Variants in PRKCQ observed in about 807,000 individuals in gnomAD.
PRKCQ encodes protein kinase C theta type.
Under a neutral mutation model 91.2 loss-of-function variants are expected in PRKCQ, and 41 were observed. The observed-to-expected ratio is 0.45, with a 90% CI of 0.35 to 0.58. The LOEUF is 0.58. Ranked by LOEUF, PRKCQ falls within the 20% of genes least tolerant of loss-of-function variation. The pLI is 0.00. For missense variants in PRKCQ, 673 were observed against 896.5 expected (o/e 0.75, Z 3.18); for synonymous variants, 307 against 316.9 (o/e 0.97, Z 0.33).
chr10:6,503,043 G>A (rs911004400), intron 4 of PRKCQ, among the ~76,000 whole-genome samples: 1 of 152,140 alleles, frequency 6.6e-6, no homozygotes, highest in Non-Finnish European at 1.5e-5. Context: ...AGCAAAGCCG[G>A]GGAGAATGAG....
At chr10:6,549,231 T>G (rs572384649) in intron 1 of PRKCQ, among the ~76,000 whole-genome samples, 1 of 152,302 alleles carries the variant, frequency 6.6e-6, no homozygotes, top group African/African-American at 2.4e-5. Context: ...GGTTGGCTTC[T>G]GACTGTATCA....
intron 14 of PRKCQ, 47 bp downstream of exon 14, chr10:6,462,256 C>T (rs751729581): frequency 6.5e-7 from 1 of 1,544,140 alleles, no homozygotes; most frequent in Non-Finnish European, 8.9e-7. Flanking sequence ...TTAACTGAGC[C>T]AGGAAAGCCG....
At chr10:6,501,339 T>C (rs1289747402) in intron 4 of PRKCQ, among the ~76,000 whole-genome samples, 1 of 151,828 alleles carries the variant, frequency 6.6e-6, no homozygotes, top group Non-Finnish European at 1.5e-5. Flanking sequence ...CAGTATGTCT[T>C]GGGAATAAGG....
the PRKCQ span, among the ~76,000 whole-genome samples, chr10:6,395,901 C>T: frequency 3.3e-5 from 5 of 152,168 alleles, no homozygotes; most frequent in East Asian, 7.7e-4. Context: ...TCTGCTCCCA[C>T]TCTATTTAGC....
intron 4 of PRKCQ, among the ~76,000 whole-genome samples, chr10:6,502,193 A>G (rs990388764): frequency 6.6e-6 from 1 of 152,228 alleles, no homozygotes; most frequent in Non-Finnish European, 1.5e-5. Flanking sequence ...AGGTATTCAC[A>G]GGATGCTGTG....
rs182192107 is a variant in PRKCQ at position 6,493,837 on chromosome 10, G to A, written c.661-2025C>T. Among the ~76,000 whole-genome samples, 9 of 152,304 alleles carry A rather than the reference G, an allele frequency of 5.9e-5. No individual in the cohort carries two copies. In the East Asian group the frequency reaches 9.6e-4, roughly 16 times the overall value. On this transcript the variant is annotated intron_variant, in intron 7 of 17. Coordinates refer to ENST00000263125, the MANE Select transcript of PRKCQ (RefSeq NM_006257.5). ...CTCTTTGAGTCTTAGCAGAATCACC[G>A]GTTAGCACAAGTTTATCTCCTTCTG...
intron 1 of PRKCQ, among the ~76,000 whole-genome samples, chr10:6,541,516 G>A (rs578095120): frequency 1.3e-5 from 2 of 152,172 alleles, no homozygotes; most frequent in African/African-American, 2.4e-5. Flanking sequence ...TGCCCACTAG[G>A]TACTTTTCAC....
At chr10:6,566,648 T>C (rs1166869558) in intron 1 of PRKCQ, among the ~76,000 whole-genome samples, 2 of 152,050 alleles carry the variant, frequency 1.3e-5, no homozygotes, top group African/African-American at 4.8e-5. Flanking sequence ...AGGGACAACC[T>C]CATGGGTTCC....
chr10:6,476,557 A>G (rs2130756382), intron 12 of PRKCQ, among the ~76,000 whole-genome samples: 1 of 152,358 alleles, frequency 6.6e-6, no homozygotes, highest in African/African-American at 2.4e-5. Context: ...TTCATAAACA[A>G]CATTCTGTAT....
intron 1 of PRKCQ, among the ~76,000 whole-genome samples, chr10:6,528,153 C>T (rs944679412): frequency 4.7e-4 from 72 of 152,052 alleles, no homozygotes; most frequent in African/African-American, 1.7e-3. Flanking sequence ...TCCTAAAACC[C>T]TCTTTGGAAA....
intron 17 of PRKCQ, among the ~76,000 whole-genome samples, chr10:6,429,580 C>T (rs563034506): frequency 2.8e-4 from 42 of 152,190 alleles, no homozygotes; most frequent in Middle Eastern, 3.4e-3. Context: ...CCCTTCAGCA[C>T]GGATATGGCC....
chr10:6,563,306 C>T (rs906001708), intron 1 of PRKCQ, among the ~76,000 whole-genome samples: 1 of 152,042 alleles, frequency 6.6e-6, no homozygotes, highest in African/African-American at 2.4e-5. Flanking sequence ...TGCATGCCTA[C>T]TATGACTGAG....
At chr10:6,400,743 C>T in the PRKCQ span, among the ~76,000 whole-genome samples, 1 of 150,050 alleles carries the variant, frequency 6.7e-6, no homozygotes, top group African/African-American at 2.4e-5. Flanking sequence ...AATCTGCCAG[C>T]TGGCATGCAC....
chr10:6,481,411 T>A (rs999328474), intron 11 of PRKCQ, among the ~76,000 whole-genome samples: 3 of 152,238 alleles, frequency 2.0e-5, no homozygotes, highest in African/African-American at 7.2e-5. Context: ...CTTTCAATTT[T>A]TGGTAACAGG....
intron 15 of PRKCQ, among the ~76,000 whole-genome samples, chr10:6,454,877 AAAG>A (rs1431899927): frequency 1.3e-5 from 2 of 152,200 alleles, no homozygotes; most frequent in East Asian, 1.9e-4. Context: ...ACGTAAAAGA[AAAG>A]AAGGGAGTGA....
the PRKCQ span, among the ~76,000 whole-genome samples, chr10:6,417,665 G>A: frequency 1.3e-5 from 2 of 152,130 alleles, no homozygotes; most frequent in South Asian, 2.1e-4. Context: ...TTAGCTGGAC[G>A]ATAGAGTGGC....
the PRKCQ span, among the ~76,000 whole-genome samples, chr10:6,415,455 TAC>T: frequency 3.4e-5 from 4 of 118,694 alleles, no homozygotes; most frequent in African/African-American, 1.3e-4. Flanking sequence ...TATATATATA[TAC>T]ACTTACTCAA....
At chr10:6,496,933 G>T in intron 7 of PRKCQ, 102 bp downstream of exon 7, 1 of 1,036,908 alleles carries the variant, frequency 9.6e-7, no homozygotes, top group Non-Finnish European at 1.5e-6. Flanking sequence ...CTGATAAATG[G>T]GAGGATGCAA....
intron 1 of PRKCQ, among the ~76,000 whole-genome samples, chr10:6,549,835 T>C (rs1462943983): frequency 6.6e-6 from 1 of 152,070 alleles, no homozygotes; most frequent in Non-Finnish European, 1.5e-5. Flanking sequence ...TCTCCCCATG[T>C]TGGCCAGGCT....
Sources: allele counts gnomAD v4.1 joint callset (sites outside exome capture counted in the v4.1 genomes callset), GRCh38; gene constraint gnomAD v4.1.1; transcripts MANE v1.5; gene names NCBI Gene and HGNC (gene_info 2026-07-23, HGNC 2026-07-21).